Variants in DENND4C observed in about 807,000 individuals in gnomAD.
DENND4C encodes DENN domain containing 4C, also known as DENN domain-containing protein 4C.
A neutral mutation model predicts 203.0 loss-of-function variants in DENND4C; 108 were observed. That is an observed-to-expected ratio of 0.53 (90% confidence interval 0.46 to 0.62). The LOEUF (loss-of-function observed/expected upper bound fraction) is 0.62. DENND4C is among the 20% of genes least tolerant of loss of function. The pLI is 0.00. For missense variants in DENND4C, 2,481 were observed against 2,301.2 expected (o/e 1.08, Z -1.60); for synonymous variants, 871 against 792.4 (o/e 1.10, Z -1.67).
intron 5 of DENND4C, among the ~76,000 whole-genome samples, chr9:19,294,989 A>G (rs1384053048): frequency 6.6e-6 from 1 of 152,226 alleles, no homozygotes; most frequent in South Asian, 2.1e-4. Flanking sequence ...GGTGCACTGC[A>G]TTGTGAAGGT....
intron 1 of DENND4C, among the ~76,000 whole-genome samples, chr9:19,245,775 G>C (rs1825070906): frequency 1.3e-5 from 2 of 151,334 alleles, no homozygotes; most frequent in Non-Finnish European, 1.5e-5. Flanking sequence ...AGAATCGCTT[G>C]AACCCAGGAG....
chr9:19,347,386 C>T (rs1054281526), intron 23 of DENND4C, among the ~76,000 whole-genome samples: 3 of 152,158 alleles, frequency 2.0e-5, no homozygotes, highest in Admixed American at 2.0e-4. Flanking sequence ...CTGCATCAGC[C>T]TCCCAAAGTG....
intron 10 of DENND4C, among the ~76,000 whole-genome samples, chr9:19,314,219 C>A (rs1014754141): frequency 3.3e-5 from 5 of 152,132 alleles, no homozygotes; most frequent in Non-Finnish European, 5.9e-5. Flanking sequence ...CCTTGGGAGG[C>A]TGATGCAGGC....
intron 12 of DENND4C, among the ~76,000 whole-genome samples, chr9:19,317,712 T>C (rs1037801953): frequency 3.3e-5 from 5 of 152,228 alleles, no homozygotes; most frequent in African/African-American, 9.6e-5. Context: ...AACCTAGCTC[T>C]ATGGGATCTT....
intron 21 of DENND4C, among the ~76,000 whole-genome samples, chr9:19,342,280 G>A (rs1588955292): frequency 1.3e-5 from 2 of 152,258 alleles, no homozygotes; most frequent in South Asian, 4.1e-4. Flanking sequence ...TATCACAAAA[G>A]TGTACTTTCT....
intron 1 of DENND4C, among the ~76,000 whole-genome samples, chr9:19,231,521 T>G (rs1820551797): frequency 6.6e-6 from 1 of 151,948 alleles, no homozygotes; most frequent in Admixed American, 6.6e-5. Context: ...TAACTTTTTC[T>G]GTTTTAAGAA....
At chr9:19,261,866 T>C (rs1354733172) in intron 1 of DENND4C, among the ~76,000 whole-genome samples, 1 of 150,706 alleles carries the variant, frequency 6.6e-6, no homozygotes, top group Non-Finnish European at 1.5e-5. Flanking sequence ...ATTGTTTTAG[T>C]TGTAGCAATT....
At chr9:19,354,798 G>A (rs536256657) in intron 26 of DENND4C, among the ~76,000 whole-genome samples, 12 of 151,766 alleles carry the variant, frequency 7.9e-5, no homozygotes, top group Non-Finnish European at 1.2e-4. Context: ...CACCCACCTT[G>A]GCCTCCCAAA....
chr9:19,298,397 C>T (rs922607486), intron 7 of DENND4C, among the ~76,000 whole-genome samples: 3 of 151,962 alleles, frequency 2.0e-5, no homozygotes, highest in African/African-American at 7.3e-5. Flanking sequence ...AACATAAAAC[C>T]CAGATTATGT....
chr9:19,242,326 A>G (rs1449895993), intron 1 of DENND4C, among the ~76,000 whole-genome samples: 30 of 152,230 alleles, frequency 2.0e-4, no homozygotes, highest in Non-Finnish European at 1.5e-5. Flanking sequence ...TCACCTGTCA[A>G]AGGACATCCT....
chr9:19,371,926 C>A, intron 32 of DENND4C, 106 bp downstream of exon 32: 1 of 1,330,976 alleles, frequency 7.5e-7, no homozygotes. Flanking sequence ...AAGATTTCTA[C>A]TTCTAAATAT....
chr9:19,235,272 G>C (rs1854551), intron 1 of DENND4C, among the ~76,000 whole-genome samples: 1 of 152,234 alleles, frequency 6.6e-6, no homozygotes, highest in East Asian at 1.9e-4. Flanking sequence ...GCCGAAAGTC[G>C]ACTTTCTTTG....
chr9:19,345,798 TA>T, intron 22 of DENND4C, 122 bp from the exon 23 acceptor site: 1 of 965,756 alleles, frequency 1.0e-6, no homozygotes, highest in Non-Finnish European at 1.4e-6. Context: ...TTATGGCCTC[TA>T]AATTTTCTGG....
intron 10 of DENND4C, among the ~76,000 whole-genome samples, chr9:19,312,645 T>C (rs1840975099): frequency 6.6e-6 from 1 of 152,216 alleles, no homozygotes; most frequent in Non-Finnish European, 1.5e-5. Flanking sequence ...GTGATCATAC[T>C]AAAGTTTTAA....
chr9:19,263,274 C>G (rs1453741294), intron 1 of DENND4C, among the ~76,000 whole-genome samples: 2 of 152,150 alleles, frequency 1.3e-5, no homozygotes, highest in East Asian at 1.9e-4. Flanking sequence ...CCTTGTCTCC[C>G]TGGTTTAAAT....
chr9:19,363,094 C>G (rs750075372), intron 30 of DENND4C, among the ~76,000 whole-genome samples: 1 of 152,226 alleles, frequency 6.6e-6, no homozygotes, highest in Non-Finnish European at 1.5e-5. Flanking sequence ...TCTGAGGCCT[C>G]TCTTTGGCCT....
intron 10 of DENND4C, among the ~76,000 whole-genome samples, chr9:19,310,738 G>C (rs955358552): frequency 1.3e-5 from 2 of 152,110 alleles, no homozygotes; most frequent in Non-Finnish European, 2.9e-5. Flanking sequence ...TCACGCACAT[G>C]TGTGAGATGT....
At position 19,360,274 on chromosome 9, in the gene DENND4C, CCT is replaced by C. The variant is rs767030416; in HGVS notation, c.5192_5193del (p.Pro1731ArgfsTer13). On this transcript the variant is annotated frameshift_variant, in exon 29 of 33. Coordinates refer to ENST00000434457, the MANE Select transcript of DENND4C (RefSeq NM_001330640.2). LOFTEE classifies it high-confidence loss of function. ...DPLGKRPNPPPVSVPYLSPLV... is the reference protein window; with the variant it reads ...DPLGKRPNPPXVSVPYLSPLV... ...TTTAGGAAAAAGACCCAATCCTCCC[CCT>C]GTTTCTGTGCCCTACTTGAGTCCTC... The C allele has an allele frequency of 8.2e-5, 133 of 1,613,322 alleles. No homozygotes were observed. Among genetic ancestry groups the C allele is most frequent in the Admixed American group, 1.3e-4 (8 of 59,906 alleles).
chr9:19,327,176 C>T (rs565001496), intron 15 of DENND4C, among the ~76,000 whole-genome samples: 4 of 151,934 alleles, frequency 2.6e-5, no homozygotes, highest in Admixed American at 2.6e-4. Context: ...AAATTGGAAT[C>T]CAGATATTGA....
Sources: gnomAD v4.1 joint callset for allele counts (sites outside exome capture counted in the v4.1 genomes callset) on GRCh38, gnomAD v4.1.1 for gene constraint, MANE v1.5 for transcripts, NCBI Gene and HGNC (gene_info 2026-07-23, HGNC 2026-07-21) for gene names.